AFF2: variants seen among roughly 807,000 people sequenced by gnomAD.
AFF2 encodes AF4/FMR2 family member 2.
Under a neutral mutation model 76.9 loss-of-function variants are expected in AFF2, and 14 were observed. The observed-to-expected ratio is 0.18, with a 90% CI of 0.12 to 0.28. The LOEUF (loss-of-function observed/expected upper bound fraction) is 0.28. AFF2 is among the 10% of genes least tolerant of loss of function. The pLI, the probability that AFF2 is intolerant of heterozygous loss-of-function variation, is 1.00. For missense variants in AFF2, 868 were observed against 1,001.1 expected, an observed-to-expected ratio of 0.87 and a Z score of 1.79; for synonymous variants, 398 against 366.7, an observed-to-expected ratio of 1.09 and a Z score of -0.98.
chrX:148,886,894 A>G (rs1362357563), intron 8 of AFF2, among the ~76,000 whole-genome samples: 1 of 112,711 alleles, frequency 8.9e-6, no homozygotes, highest in African/African-American at 3.2e-5. Context: ...ATGGAATTCC[A>G]TGTTCATTGA....
intron 1 of AFF2, among the ~76,000 whole-genome samples, chrX:148,536,989 A>T (rs1257374177): frequency 5.3e-5 from 6 of 112,662 alleles, no homozygotes; most frequent in African/African-American, 1.9e-4. Context: ...TTTATTGGTA[A>T]AGTCTTAGAA....
At chrX:148,860,742 A>T (rs2070838381) in intron 7 of AFF2, among the ~76,000 whole-genome samples, 1 of 112,045 alleles carries the variant, frequency 8.9e-6, no homozygotes, top group African/African-American at 3.2e-5. Flanking sequence ...AATTGACATT[A>T]TATGGCTTTT....
At chrX:148,700,533 G>A (rs1229837578) in intron 3 of AFF2, among the ~76,000 whole-genome samples, 1 of 107,230 alleles carries the variant, frequency 9.3e-6, no homozygotes, top group African/African-American at 3.4e-5. Flanking sequence ...TGGCACTGAG[G>A]CACTCCATCC....
chrX:148,830,931 C>G, intron 4 of AFF2, among the ~76,000 whole-genome samples: 1 of 110,323 alleles, frequency 9.1e-6, no homozygotes, highest in African/African-American at 3.3e-5. Context: ...TTATCTACAA[C>G]TGTAAAAAAA....
At chrX:148,546,327 T>C (rs782711978) in intron 1 of AFF2, among the ~76,000 whole-genome samples, 1 of 111,865 alleles carries the variant, frequency 8.9e-6, no homozygotes, top group African/African-American at 3.2e-5. Flanking sequence ...GAGGACCTTT[T>C]TATCTGATAG....
chrX:148,834,856 C>G (rs926193342), intron 4 of AFF2, among the ~76,000 whole-genome samples: 3 of 111,935 alleles, frequency 2.7e-5, no homozygotes, highest in African/African-American at 9.7e-5. Flanking sequence ...CTTGCTTGCT[C>G]CAAAGTCCTT....
At chrX:148,537,307 G>A (rs1352718876) in intron 1 of AFF2, among the ~76,000 whole-genome samples, 1 of 112,087 alleles carries the variant, frequency 8.9e-6, no homozygotes, top group Non-Finnish European at 1.9e-5. Context: ...TCGTAGAGGT[G>A]GGGAAAGGGT....
At chrX:148,597,040 G>A (rs1307775410) in intron 1 of AFF2, among the ~76,000 whole-genome samples, 17 of 111,807 alleles carry the variant, frequency 1.5e-4, no homozygotes, top group African/African-American at 5.5e-4. Context: ...ACATCTGCTG[G>A]GGGGCAGATG....
At chrX:148,908,769 GA>G (rs1278395234) in intron 9 of AFF2, among the ~76,000 whole-genome samples, 1 of 111,547 alleles carries the variant, frequency 9.0e-6, no homozygotes, top group South Asian at 3.7e-4. Flanking sequence ...GCAAATGGTT[GA>G]AAAAAATAAA....
At chrX:148,748,334 G>T (rs187456171) in intron 3 of AFF2, among the ~76,000 whole-genome samples, 1 of 111,799 alleles carries the variant, frequency 8.9e-6, no homozygotes, top group Admixed American at 9.5e-5. Context: ...TTGGAGTATT[G>T]TTGGGGAAAA....
intron 3 of AFF2, among the ~76,000 whole-genome samples, chrX:148,787,406 G>A (rs782371023): frequency 2.1e-4 from 23 of 111,611 alleles, no homozygotes; most frequent in African/African-American, 6.8e-4. Flanking sequence ...TTGTGAATTG[G>A]AAAATCCAGT....
At chrX:148,878,802 A>T (rs782001136) in intron 7 of AFF2, among the ~76,000 whole-genome samples, 8 of 112,489 alleles carry the variant, frequency 7.1e-5, no homozygotes, top group Non-Finnish European at 1.3e-4. Context: ...ACTTCTAAAA[A>T]ATGATACAAG....
intron 1 of AFF2, among the ~76,000 whole-genome samples, chrX:148,647,349 A>AT (rs1382362394): frequency 1.1e-4 from 12 of 112,180 alleles, no homozygotes; most frequent in Admixed American, 3.8e-4. Flanking sequence ...TAAAATATCA[A>AT]TTTTTTATTC....
chrX:148,816,001 A>G (rs1347849466), intron 4 of AFF2, among the ~76,000 whole-genome samples: 1 of 112,031 alleles, frequency 8.9e-6, no homozygotes, highest in Non-Finnish European at 1.9e-5. Flanking sequence ...CATGTGTAGA[A>G]TTTACACCTG....
At chrX:148,806,572 G>A (rs2070136634) in intron 3 of AFF2, among the ~76,000 whole-genome samples, 1 of 111,891 alleles carries the variant, frequency 8.9e-6, no homozygotes, top group African/African-American at 3.3e-5. Context: ...CAGAAATGAT[G>A]CTGCCTCCAG....
intron 3 of AFF2, among the ~76,000 whole-genome samples, chrX:148,699,438 CA>C (rs2054760169): frequency 1.8e-5 from 2 of 111,070 alleles, no homozygotes; most frequent in East Asian, 5.6e-4. Flanking sequence ...TTAGAGCAGT[CA>C]AGGAAAATGT....
chrX:148,772,538 C>T (rs1478299162), intron 3 of AFF2, among the ~76,000 whole-genome samples: 5 of 54,088 alleles, frequency 9.2e-5, no homozygotes, highest in African/African-American at 2.3e-4. Context: ...TTCTTTCTTT[C>T]TTTCTTTTTT....
At chrX:148,597,919 G>T (rs927684385) in intron 1 of AFF2, among the ~76,000 whole-genome samples, 2 of 112,260 alleles carry the variant, frequency 1.8e-5, no homozygotes, top group African/African-American at 3.2e-5. Flanking sequence ...CGGTATAAAG[G>T]TTTCATCTAT....
intron 1 of AFF2, among the ~76,000 whole-genome samples, chrX:148,649,701 A>C (rs1482249502): frequency 1.8e-5 from 2 of 112,305 alleles, no homozygotes; most frequent in Non-Finnish European, 3.8e-5. Flanking sequence ...AAGTGCCCTT[A>C]CTGCTGATCG....
Sources: allele counts gnomAD v4.1 joint callset (sites outside exome capture counted in the v4.1 genomes callset), GRCh38; gene constraint gnomAD v4.1.1; transcripts MANE v1.5; gene names NCBI Gene and HGNC (gene_info 2026-07-23, HGNC 2026-07-21).